Variants in ANO3 observed in about 807,000 individuals in gnomAD.
The protein encoded by ANO3 is anoctamin-3.
A neutral mutation model predicts 144.8 loss-of-function variants in ANO3; 99 were observed. The observed-to-expected ratio is 0.68, with a 90% confidence interval of 0.58 to 0.81. ANO3 has a LOEUF of 0.81. Among genes scored for constraint, ANO3 ranks in the 30% least tolerant of loss-of-function variants. The pLI is 0.00. For synonymous variants in ANO3, 414 were observed against 392.6 expected (o/e 1.05, Z -0.64); for missense variants, 905 against 1,202.2 (o/e 0.75, Z 3.66).
chr11:26,485,726 A>G (rs1238265073), intron 4 of ANO3, among the ~76,000 whole-genome samples: 3 of 152,190 alleles, frequency 2.0e-5, no homozygotes, highest in Non-Finnish European at 4.4e-5. Context: ...CAAGACTTAA[A>G]TGAGACCTGA....
chr11:26,546,271 AG>A (rs1455365313), intron 11 of ANO3, among the ~76,000 whole-genome samples: 1 of 151,884 alleles, frequency 6.6e-6, no homozygotes, highest in Non-Finnish European at 1.5e-5. Context: ...TGGGTTTCCT[AG>A]GAGAGAGAGA....
intron 21 of ANO3, among the ~76,000 whole-genome samples, chr11:26,639,492 G>T (rs1853074957): frequency 6.6e-6 from 1 of 152,182 alleles, no homozygotes; most frequent in South Asian, 2.1e-4. Context: ...TGAATGTAGA[G>T]TAACTTGTTT....
At chr11:26,634,346 A>T (rs1250916754) in intron 19 of ANO3, 31 bp downstream of exon 19, 7 of 1,391,648 alleles carry the variant, frequency 5.0e-6, no homozygotes, top group Non-Finnish European at 7.1e-6. Context: ...TTATCTTCGC[A>T]GAGTGAAAAA....
intron 1 of ANO3, among the ~76,000 whole-genome samples, chr11:26,316,284 C>A (rs1014251064): frequency 6.6e-6 from 1 of 152,114 alleles, no homozygotes; most frequent in Non-Finnish European, 1.5e-5. Context: ...CTGGATATAC[C>A]AGCATTTATT....
At chr11:26,631,465 C>G (rs567186886) in intron 18 of ANO3, among the ~76,000 whole-genome samples, 1 of 152,028 alleles carries the variant, frequency 6.6e-6, no homozygotes, top group East Asian at 1.9e-4. Flanking sequence ...AATCATTAAA[C>G]AAATTTTTAA....
Position 26,463,061 on chromosome 11 carries a change from A to T in ANO3, c.345A>T (p.Glu115Asp). ...GAAAAGATAAGGATTACACGGATGA[A>T]TCAGAACACGCTACTTATGACCGAT... ...ALGKDKDYTD[E>D]SEHATYDRSR... Residue 115 changes from glutamate to aspartate, a missense_variant, in exon 4 of 27, where the codon GAA becomes GAT. This residue lies in a region of ANO3 where 174 missense variants were observed against 171.9 expected (regional missense o/e 1.01). Transcript: ENST00000256737. 1 of 1,595,580 alleles carries T rather than the reference A, an allele frequency of 6.3e-7. No individual in the cohort carries two copies. The highest frequency in any genetic ancestry group is 1.1e-5 in the South Asian group (1 of 87,562).
At chr11:26,268,204 T>C (rs566744625) in intron 1 of ANO3, among the ~76,000 whole-genome samples, 4 of 152,354 alleles carry the variant, frequency 2.6e-5, no homozygotes, top group Non-Finnish European at 5.9e-5. Flanking sequence ...TAAAGCAATG[T>C]ATAATCTAAA....
chr11:26,313,453 G>A (rs935282632), intron 1 of ANO3, among the ~76,000 whole-genome samples: 8 of 152,166 alleles, frequency 5.3e-5, no homozygotes, highest in African/African-American at 1.9e-4. Context: ...TTGGGAGGCT[G>A]AGGCAGGTGG....
At chr11:26,556,888 G>A (rs747266886) in intron 13 of ANO3, among the ~76,000 whole-genome samples, 2 of 152,112 alleles carry the variant, frequency 1.3e-5, no homozygotes, top group African/African-American at 4.8e-5. Context: ...AGAGACTTTA[G>A]TGGGATATAA....
At chr11:26,271,482 G>A (rs1268905051) in intron 1 of ANO3, among the ~76,000 whole-genome samples, 1 of 152,048 alleles carries the variant, frequency 6.6e-6, no homozygotes, top group Non-Finnish European at 1.5e-5. Context: ...AAGAAAATAT[G>A]ATTTTATGAA....
intron 1 of ANO3, among the ~76,000 whole-genome samples, chr11:26,238,374 A>C (rs1324057373): frequency 6.6e-6 from 1 of 152,146 alleles, no homozygotes; most frequent in Non-Finnish European, 1.5e-5. Context: ...AATATGTTCA[A>C]AATTTGCTGT....
chr11:26,593,963 G>A (rs1851531588), intron 14 of ANO3, among the ~76,000 whole-genome samples: 1 of 152,138 alleles, frequency 6.6e-6, no homozygotes, highest in African/African-American at 2.4e-5. Flanking sequence ...GCCTAAGGCG[G>A]ACTTTTGAAG....
chr11:26,507,728 G>A (rs1264235334), intron 4 of ANO3, among the ~76,000 whole-genome samples: 1 of 152,102 alleles, frequency 6.6e-6, no homozygotes, highest in Non-Finnish European at 1.5e-5. Context: ...ATGATATTTA[G>A]TAAATACTCA....
intron 1 of ANO3, among the ~76,000 whole-genome samples, chr11:26,353,881 A>C (rs535383650): frequency 4.6e-5 from 7 of 152,168 alleles, no homozygotes; most frequent in Admixed American, 1.3e-4. Context: ...ATTCCTTTTT[A>C]CTTGTCTGTC....
chr11:26,235,582 T>G (rs1852501983), intron 1 of ANO3, among the ~76,000 whole-genome samples: 1 of 143,208 alleles, frequency 7.0e-6, no homozygotes, highest in African/African-American at 2.5e-5. Context: ...AGCTAAAGTT[T>G]AACAATGTAT....
chr11:26,440,099 G>A (rs966977637), intron 1 of ANO3, among the ~76,000 whole-genome samples: 1 of 152,078 alleles, frequency 6.6e-6, no homozygotes, highest in Non-Finnish European at 1.5e-5. Flanking sequence ...GTGGTTCATG[G>A]TTTTATTCAC....
At chr11:26,536,838 C>T (rs1849521885) in intron 9 of ANO3, among the ~76,000 whole-genome samples, 1 of 152,068 alleles carries the variant, frequency 6.6e-6, no homozygotes, top group Non-Finnish European at 1.5e-5. Flanking sequence ...ATTGCAACAA[C>T]AGTTGCTCAC....
At chr11:26,442,462 T>A (rs147987809) in intron 2 of ANO3, among the ~76,000 whole-genome samples, 1,752 of 152,282 alleles carry the variant, frequency 0.012, 17 homozygotes, top group Non-Finnish European at 0.018. Context: ...ATGTCATCAG[T>A]AATAAACTGT....
chr11:26,655,258 A>C (rs1853651004), intron 24 of ANO3, among the ~76,000 whole-genome samples: 1 of 152,066 alleles, frequency 6.6e-6, no homozygotes, highest in East Asian at 1.9e-4. Context: ...CAATTGGTAA[A>C]ATTCATTGGT....
Sources: allele counts gnomAD v4.1 joint callset (sites outside exome capture counted in the v4.1 genomes callset), GRCh38; gene constraint gnomAD v4.1.1; regional missense constraint gnomAD v4.1.1; transcripts MANE v1.5; gene names NCBI Gene and HGNC (gene_info 2026-07-23, HGNC 2026-07-21).